Variants in AGRN observed in about 807,000 individuals in gnomAD.
AGRN encodes the protein agrin proteoglycan.
AGRN carries 106 observed loss-of-function variants against 211.0 expected under a neutral mutation model. That is an observed-to-expected ratio of 0.50 (90% CI 0.43 to 0.59). The LOEUF is 0.59. Ranked by LOEUF, AGRN falls within the 20% of genes least tolerant of loss-of-function variation. AGRN has a pLI of 0.00. For synonymous variants in AGRN, 1,525 were observed against 1,332.5 expected (o/e 1.14, Z -3.15); for missense variants, 3,040 against 2,982.6 (o/e 1.02, Z -0.45).
At position 1,047,453 on chromosome 1, in the gene AGRN, C is replaced by T. The variant is rs375197922; in HGVS notation, c.3515C>T (p.Thr1172Ile). ...FGETARSIES[T>I]LDDLFRNSDV... Reference sequence around the variant, plus strand: ...GAGACAGCCAGGAGCATTGAGAGCACCGTAAGACGGGGGCGCAGCCCCCAC... The same window carrying T: ...GAGACAGCCAGGAGCATTGAGAGCATCGTAAGACGGGGGCGCAGCCCCCAC... The change falls in exon 20 of 36, where the codon ACC (threonine) becomes ATC (isoleucine). Residue 1172 changes from threonine to isoleucine, a missense_variant and splice_region_variant. Thr to Ile is a moderately conservative substitution (Grantham distance 89). Transcript: ENST00000379370. 1 of 1,612,634 alleles carries T rather than the reference C, an allele frequency of 6.2e-7. No individual in the cohort carries two copies. Among genetic ancestry groups the T allele is most frequent in the Non-Finnish European group, 8.5e-7 (1 of 1,179,968 alleles).
chr1:1,034,737 A>C, intron 2 of AGRN: 1 of 1,007,290 alleles, frequency 9.9e-7, no homozygotes, highest in Non-Finnish European at 1.2e-6. Context: ...CGCACTGGCC[A>C]AGCCCCAACC....
At position 1,022,259 on chromosome 1, in the gene AGRN, A is replaced by G. The variant is rs1238602210; in HGVS notation, c.260A>G (p.Asp87Gly). 7 of 1,613,064 alleles carry G rather than the reference A, an allele frequency of 4.3e-6. No homozygotes were observed. Residue 87 changes from aspartate to glycine, a missense_variant, in exon 2 of 36, where the codon GAC becomes GGC. Physicochemically the swap from Asp to Gly is moderately conservative, Grantham distance 94. Coordinates refer to ENST00000379370, the MANE Select transcript of AGRN (RefSeq NM_198576.4). ...KDLVARESLL[D>G]GGNKVVISGF... is the part of the protein sequence containing the mutation. ...CTGGTGGCCCGGGAGAGCCTGCTGGACGGCGGCAACAAGGTGGTGATCAGC... is the reference window on the plus strand; with the variant it reads ...CTGGTGGCCCGGGAGAGCCTGCTGGGCGGCGGCAACAAGGTGGTGATCAGC...
chr1:1,042,283 C>T (rs986986499), intron 7 of AGRN, 121 bp downstream of exon 7: 17 of 1,271,068 alleles, frequency 1.3e-5, no homozygotes, highest in Admixed American at 2.4e-5. Flanking sequence ...TGGGCCGGTC[C>T]CTCTGGGAAG....
rs1336621670 is a variant in AGRN, at chr1:1,046,181, A to G, written c.2827A>G (p.Thr943Ala). Residue 943 changes from threonine to alanine, a missense_variant, in exon 17 of 36, where the codon ACA (threonine) becomes GCA (alanine). Transcript: ENST00000379370. ...CCAGGTCTGTGGGTCAGATGGAGTC[A>G]CATACGGCAACGAGTGTCAGCTGAA... ...ATKVCGSDGV[T>A]YGNECQLKTI... is the part of the protein sequence containing the mutation. 1 of 1,613,824 alleles carries G rather than the reference A, an allele frequency of 6.2e-7. No homozygotes were observed. The highest frequency in any genetic ancestry group is 1.1e-5 in the South Asian group (1 of 91,084).
chr1:1,042,654 C>T (rs532062363), intron 7 of AGRN, among the ~76,000 whole-genome samples: 28 of 152,304 alleles, frequency 1.8e-4, no homozygotes, highest in African/African-American at 6.0e-4. Context: ...TCTTTGGTCT[C>T]TTCTTCCCTG....
chr1:1,039,613 G>C (rs1485518587), intron 3 of AGRN, among the ~76,000 whole-genome samples: 2 of 152,158 alleles, frequency 1.3e-5, no homozygotes, highest in Admixed American at 1.3e-4. Context: ...GCTGCCGCAG[G>C]GGCTCTGGGT....
rs1645169112 is a variant in AGRN at position 1,048,541 on chromosome 1, C to G, written c.4105+176C>G. On this transcript the variant is annotated intron_variant, in intron 23 of 35. Transcript: ENST00000379370. This position sits in a 1 kb window ranked among gnomAD's most constrained non-coding sequence, Gnocchi z 5.9. ...ATCCCAGCACTTTGGGAGGCCGAGG[C>G]AGGCGGATCACCTGAGGTCGGGAGT... 1 of 623,384 alleles carries G rather than the reference C, an allele frequency of 1.6e-6. No homozygotes were observed. The highest frequency in any genetic ancestry group is 2.3e-5 in the South Asian group (1 of 43,218). 38.6% of individuals were successfully genotyped at this position (623,384 alleles called of 1,614,324 possible).
chr1:1,047,003 C>T (rs770275050), intron 19 of AGRN, 46 bp downstream of exon 19: 68 of 1,553,808 alleles, frequency 4.4e-5, no homozygotes, highest in Non-Finnish European at 5.5e-5. Flanking sequence ...AGCCTGGGCT[C>T]GGCCGAGGTG....
chr1:1,045,301 A>C, intron 13 of AGRN, 24 bp downstream of exon 13: 1 of 1,611,850 alleles, frequency 6.2e-7, no homozygotes, highest in Non-Finnish European at 8.5e-7. Context: ...CTCAGCCCCG[A>C]CCCCGGGCCT....
At chr1:1,049,478 C>A in intron 25 of AGRN, 27 bp downstream of exon 25, 11 of 1,600,118 alleles carry the variant, frequency 6.9e-6, no homozygotes, top group Non-Finnish European at 9.3e-6. Context: ...GTGGTGTGGC[C>A]CCGACCCCGG....
Position 1,051,331 on chromosome 1 carries a change from G to A in AGRN, c.5332G>A (p.Ala1778Thr), listed in dbSNP as rs538792693. The change falls in exon 31 of 36, where the codon GCT (alanine) becomes ACT (threonine). Residue 1778 changes from alanine to threonine, a missense_variant. Coordinates refer to ENST00000379370, the MANE Select transcript of AGRN (RefSeq NM_198576.4). ...CGACTTCAGCAAGCTGGCCCGTGCT[G>A]CTGCCGTGTCCTCTGGCTTCGACGG... ...APDFSKLARA[A>T]AVSSGFDGAI... 1.1e-4 allele frequency: 177 copies of A among 1,568,640 alleles called. 1 individual carries two copies. In the South Asian group the frequency reaches 2.0e-3, roughly 18 times the overall value.
chr1:1,023,165 T>G (rs1644447453), intron 2 of AGRN, among the ~76,000 whole-genome samples: 1 of 151,870 alleles, frequency 6.6e-6, no homozygotes, highest in Non-Finnish European at 1.5e-5. Context: ...GATGTGTCGG[T>G]GGGGGGGTCT....
chr1:1,055,021 A>G lies in AGRN; in HGVS notation c.*40A>G, dbSNP rs1161690755. On this transcript the variant is annotated 3_prime_UTR_variant, in exon 36 of 36. Coordinates refer to ENST00000379370, the MANE Select transcript of AGRN (RefSeq NM_198576.4). The stretch of plus-strand genomic sequence containing the variant: ...CCCGCGCCCGCTGTAATTATTTTCT[A>G]TTTTTGTAAACTTGTTGCTTTTTGA... The G allele has an allele frequency of 3.2e-6, 5 of 1,543,532 alleles. No individual in the cohort carries two copies. The highest frequency in any genetic ancestry group is 2.0e-5 in the Admixed American group (1 of 50,978).
intron 14 of AGRN, 90 bp downstream of exon 14, chr1:1,045,613 T>G: frequency 6.2e-7 from 1 of 1,604,678 alleles, no homozygotes. Flanking sequence ...GCCCAGGCCC[T>G]GGCCTGACCC....
intron 35 of AGRN, 110 bp downstream of exon 35, chr1:1,054,661 C>T (rs1003043402): frequency 8.1e-6 from 12 of 1,480,864 alleles, no homozygotes; most frequent in Middle Eastern, 2.3e-4. Context: ...TGTGAGCCGG[C>T]GGGCTGGGCT....
At chr1:1,049,178 G>C in intron 24 of AGRN, 58 bp from the exon 25 acceptor site, 2 of 1,407,400 alleles carry the variant, frequency 1.4e-6, no homozygotes, top group African/African-American at 3.0e-5. Context: ...GGCAGCTCAG[G>C]TAGGCGGGGT....
Position 1,049,661 on chromosome 1 carries a change from G to T in AGRN, c.4610G>T (p.Gly1537Val). 2 of 1,580,676 alleles carry T rather than the reference G, an allele frequency of 1.3e-6. No homozygotes were observed. Among genetic ancestry groups the T allele is most frequent in the East Asian group, 4.6e-5 (2 of 43,336 alleles). Residue 1537 changes from glycine to valine, a missense_variant, in exon 26 of 36, where the codon GGG becomes GTG. Around this residue, in one of 3 missense-constraint regions of AGRN, gnomAD observed 1,537 missense variants for 1,505.0 expected, o/e 1.02. Transcript: ENST00000379370. ...NQRLELGIGP[G>V]AATRGSGVGE... Reference sequence around the variant, plus strand: ...CGCCTGGAGCTTGGCATTGGGCCGGGGGCTGCCACCCGAGGCTCTGGCGTG... The same window carrying T: ...CGCCTGGAGCTTGGCATTGGGCCGGTGGCTGCCACCCGAGGCTCTGGCGTG...
Position 1,035,793 on chromosome 1 carries a change from G to A in AGRN, c.511+469G>A, listed in dbSNP as rs1284751919. On this transcript the variant is annotated intron_variant, in intron 3 of 35. Coordinates refer to ENST00000379370, the MANE Select transcript of AGRN (RefSeq NM_198576.4). ...ATCAGTGACAGCTGTCTGGGGAGGG[G>A]CCTGGAGGGCGGCAGTCTGTCCCTG... is the stretch of plus-strand genomic sequence containing the variant. 3.3e-5 allele frequency among the ~76,000 whole-genome samples: 5 copies of A among 152,108 alleles called. No individual in the cohort carries two copies. In the East Asian group the frequency reaches 9.7e-4, roughly 29 times the overall value.
intron 12 of AGRN, 131 bp from the exon 13 acceptor site, chr1:1,045,030 C>A: frequency 1.0e-6 from 1 of 976,996 alleles, no homozygotes; most frequent in Non-Finnish European, 1.6e-6. Context: ...CCCCAGGCTC[C>A]CGGGCTCCTC....
Sources: allele counts gnomAD v4.1 joint callset (sites outside exome capture counted in the v4.1 genomes callset), GRCh38; gene constraint gnomAD v4.1.1; regional missense constraint gnomAD v4.1.1; non-coding constraint Gnocchi (gnomAD v3.1); transcripts MANE v1.5; gene names NCBI Gene and HGNC (gene_info 2026-07-23, HGNC 2026-07-21).